The following WWOX variants were observed in gnomAD, a reference collection of about 807,000 sequenced individuals.
The protein encoded by WWOX is WW domain-containing oxidoreductase.
Under a neutral mutation model 46.2 loss-of-function variants are expected in WWOX, and 69 were observed. That is an observed-to-expected ratio of 1.49 (90% CI 1.23 to 1.82). The LOEUF (loss-of-function observed/expected upper bound fraction) is 1.82. Ranked by LOEUF, WWOX falls within the 40% of genes most tolerant of loss-of-function variation. The pLI is 0.00. For missense variants in WWOX, 919 were observed against 542.6 expected (o/e 1.69, Z -6.89); for synonymous variants, 359 against 202.6 (o/e 1.77, Z -6.56).
intron 8 of WWOX, among the ~76,000 whole-genome samples, chr16:78,736,433 C>G (rs780143853): frequency 8.5e-5 from 13 of 152,302 alleles, no homozygotes; most frequent in Middle Eastern, 3.4e-3. Flanking sequence ...CCACCAACAG[C>G]TTCTGCTTCT....
chr16:78,422,694 C>CAT, intron 6 of WWOX, among the ~76,000 whole-genome samples: 1 of 30,248 alleles, frequency 3.3e-5, no homozygotes, highest in Non-Finnish European at 1.0e-4. Flanking sequence ...TACACACACA[C>CAT]ACACACATAT....
chr16:78,935,023 T>C (rs2045706814), intron 8 of WWOX, among the ~76,000 whole-genome samples: 1 of 152,166 alleles, frequency 6.6e-6, no homozygotes, highest in African/African-American at 2.4e-5. Context: ...TCACTGGCCC[T>C]CAGAGACATG....
chr16:78,730,612 C>T (rs939964512), intron 8 of WWOX, among the ~76,000 whole-genome samples: 21 of 126,704 alleles, frequency 1.7e-4, no homozygotes, highest in Admixed American at 4.5e-4. Flanking sequence ...CCACCACGCC[C>T]GGCAATTTTT....
At chr16:78,903,483 A>C (rs2044880407) in intron 8 of WWOX, among the ~76,000 whole-genome samples, 1 of 152,222 alleles carries the variant, frequency 6.6e-6, no homozygotes, top group East Asian at 1.9e-4. Context: ...GATTGGTTGC[A>C]AAAAGCAAAA....
intron 8 of WWOX, among the ~76,000 whole-genome samples, chr16:78,771,834 G>A (rs1017514641): frequency 1.3e-5 from 2 of 151,922 alleles, no homozygotes; most frequent in African/African-American, 2.4e-5. Context: ...CACAGCAAAG[G>A]TGAGCTTTAA....
rs564001832 is a variant in WWOX at position 78,128,741 on chromosome 16, A to C, written c.409+13587A>C. ...TCCGCTGTGTCAGCCACCATTGGCT[A>C]TAAGGATGAACTCTCAAAACTTTTT... On this transcript the variant is annotated intron_variant, in intron 4 of 8. Coordinates refer to ENST00000566780, the MANE Select transcript of WWOX (RefSeq NM_016373.4). Among the ~76,000 whole-genome samples, 3 of 152,362 alleles carry C rather than the reference A, an allele frequency of 2.0e-5. No homozygotes were observed. The East Asian group carries it at 5.8e-4, about 29-fold the overall frequency.
intron 1 of WWOX, among the ~76,000 whole-genome samples, chr16:78,103,921 GTCCTA>G (rs1298172126): frequency 1.3e-5 from 2 of 151,936 alleles, no homozygotes; most frequent in African/African-American, 4.8e-5. Context: ...AGGCACACAT[GTCCTA>G]GCACTCCAAA....
chr16:79,156,201 G>GC (rs1007054084), intron 8 of WWOX, among the ~76,000 whole-genome samples: 18 of 152,192 alleles, frequency 1.2e-4, no homozygotes, highest in African/African-American at 4.3e-4. Context: ...TCACTCTGTT[G>GC]CCCAGGCTGG....
At chr16:78,807,143 G>C (rs975951808) in intron 8 of WWOX, among the ~76,000 whole-genome samples, 1 of 152,194 alleles carries the variant, frequency 6.6e-6, no homozygotes. Flanking sequence ...ATTGGAATCT[G>C]CACATTATGG....
intron 8 of WWOX, among the ~76,000 whole-genome samples, chr16:78,683,619 C>G (rs1248731038): frequency 6.6e-6 from 1 of 152,024 alleles, no homozygotes; most frequent in Admixed American, 6.6e-5. Flanking sequence ...CTAGGCTGGT[C>G]TTGAACTCCT....
intron 8 of WWOX, among the ~76,000 whole-genome samples, chr16:78,731,953 C>A (rs891972660): frequency 6.7e-6 from 1 of 149,782 alleles, no homozygotes; most frequent in African/African-American, 2.5e-5. Context: ...CTCAATTGAT[C>A]CTCCTGCCTC....
chr16:78,939,725 A>G (rs1222047480), intron 8 of WWOX, among the ~76,000 whole-genome samples: 1 of 152,242 alleles, frequency 6.6e-6, no homozygotes, highest in Non-Finnish European at 1.5e-5. Flanking sequence ...TCTACTGGGA[A>G]AAATCCCCAT....
chr16:78,102,356 A>C (rs989938860), intron 1 of WWOX, among the ~76,000 whole-genome samples: 1 of 152,208 alleles, frequency 6.6e-6, no homozygotes, highest in Non-Finnish European at 1.5e-5. Context: ...AGGTTAAGGC[A>C]GGGAAGGGAG....
chr16:78,398,459 A>G (rs568429625), intron 6 of WWOX, among the ~76,000 whole-genome samples: 1 of 152,308 alleles, frequency 6.6e-6, no homozygotes, highest in South Asian at 2.1e-4. Flanking sequence ...GAGAAAAACC[A>G]AGCTGGATTC....
intron 8 of WWOX, chr16:78,891,649 T>C (rs1471005204): frequency 6.6e-6 from 1 of 152,164 alleles, no homozygotes; most frequent in Non-Finnish European, 1.5e-5. Context: ...CATAAAATAT[T>C]GAACTATTGC....
At chr16:78,589,903 A>T (rs2045310750) in intron 8 of WWOX, among the ~76,000 whole-genome samples, 1 of 152,044 alleles carries the variant, frequency 6.6e-6, no homozygotes. Context: ...GAGGGTCTTT[A>T]CTTAGGGAGT....
chr16:79,001,880 C>A (rs1013307120), intron 8 of WWOX, among the ~76,000 whole-genome samples: 7 of 152,082 alleles, frequency 4.6e-5, no homozygotes, highest in Admixed American at 4.6e-4. Flanking sequence ...GCTTGTCTTT[C>A]TAGAGCAACC....
At chr16:78,860,420 T>G (rs1336485524) in intron 8 of WWOX, among the ~76,000 whole-genome samples, 11 of 152,172 alleles carry the variant, frequency 7.2e-5, no homozygotes, top group African/African-American at 2.7e-4. Context: ...TAGTATATAG[T>G]AGGCAGTCAA....
intron 8 of WWOX, among the ~76,000 whole-genome samples, chr16:78,540,139 C>G (rs779184584): frequency 6.6e-6 from 1 of 151,292 alleles, no homozygotes; most frequent in Non-Finnish European, 1.5e-5. Context: ...CAATTTCTGC[C>G]TGAGAGAGTG....
Sources: gnomAD v4.1 joint callset for allele counts (sites outside exome capture counted in the v4.1 genomes callset) on GRCh38, gnomAD v4.1.1 for gene constraint, MANE v1.5 for transcripts, NCBI Gene and HGNC (gene_info 2026-07-23, HGNC 2026-07-21) for gene names.